Variants in KITLG observed in about 807,000 individuals in gnomAD.
KITLG encodes c-Kit ligand.
A neutral mutation model predicts 34.1 loss-of-function variants in KITLG; 13 were observed. That is an observed-to-expected ratio of 0.38 (90% CI 0.25 to 0.61). KITLG has a LOEUF of 0.61. Ranked by LOEUF, KITLG falls within the 20% of genes least tolerant of loss-of-function variation. The pLI, the probability that KITLG is intolerant of heterozygous loss-of-function variation, is 0.60. For synonymous variants in KITLG, 110 were observed against 104.0 expected (o/e 1.06, Z -0.35); for missense variants, 292 against 318.9 (o/e 0.92, Z 0.64).
chr12:88,502,958 A>G (rs1254262332), intron 9 of KITLG, among the ~76,000 whole-genome samples: 3 of 152,196 alleles, frequency 2.0e-5, no homozygotes, highest in Non-Finnish European at 2.9e-5. Flanking sequence ...AGGCAAAAAA[A>G]TGAATTTCTA....
At chr12:88,499,482 G>A (rs11104907) in intron 9 of KITLG, among the ~76,000 whole-genome samples, 11,927 of 152,092 alleles carry the variant, frequency 0.078, 512 homozygotes, top group Non-Finnish European at 0.1. Context: ...TCAACCACAC[G>A]GGGCCATTTC....
intron 1 of KITLG, among the ~76,000 whole-genome samples, chr12:88,553,702 C>T (rs948055726): frequency 1.2e-4 from 19 of 152,206 alleles, no homozygotes; most frequent in African/African-American, 3.6e-4. Flanking sequence ...CTAAATGTTG[C>T]CTTCAAATCA....
In KITLG at chr12:88,507,073, C is replaced by A. The variant is rs1446810733; in HGVS notation, c.669G>T (p.Leu223Phe). The A allele has an allele frequency of 1.2e-6, 2 of 1,613,638 alleles. No homozygotes were observed. The highest frequency in any genetic ancestry group is 1.7e-5 in the Admixed American group (1 of 59,998). The change falls in exon 7 of 10, where the codon TTG (leucine) becomes TTT (phenylalanine). Residue 223 changes from leucine to phenylalanine, a missense_variant. Physicochemically the swap from Leu to Phe is conservative, Grantham distance 22. Coordinates refer to ENST00000644744, the MANE Select transcript of KITLG (RefSeq NM_000899.5). Reference protein sequence around the residue: ...LHWAAMALPALFSLIIGFAFG... With the variant: ...LHWAAMALPAFFSLIIGFAFG... ...AAGCAAAGCCAATTATAAGAGAAAACAATGCTGGCAATGCCATGGCTGCCC... is the reference window on the plus strand; with the variant it reads ...AAGCAAAGCCAATTATAAGAGAAAAAAATGCTGGCAATGCCATGGCTGCCC...
chr12:88,503,501 T>C (rs1051984222), intron 9 of KITLG, among the ~76,000 whole-genome samples: 2 of 152,302 alleles, frequency 1.3e-5, no homozygotes, highest in South Asian at 4.1e-4. Flanking sequence ...AATATTCGCA[T>C]GCAACTGTGG....
intron 1 of KITLG, among the ~76,000 whole-genome samples, chr12:88,558,266 T>TA (rs1173154626): frequency 2.0e-5 from 3 of 152,056 alleles, no homozygotes; most frequent in Non-Finnish European, 4.4e-5. Context: ...AATAAATAAA[T>TA]AAAAATCTGA....
intron 1 of KITLG, among the ~76,000 whole-genome samples, chr12:88,551,964 G>A (rs1280482244): frequency 1.3e-5 from 2 of 152,076 alleles, no homozygotes; most frequent in East Asian, 3.9e-4. Flanking sequence ...AAGGGTCGGG[G>A]AAATGTGACC....
At chr12:88,524,612 C>T (rs1484584065) in intron 3 of KITLG, among the ~76,000 whole-genome samples, 1 of 150,988 alleles carries the variant, frequency 6.6e-6, no homozygotes, top group African/African-American at 2.4e-5. Context: ...TTTAGTGTTG[C>T]TACCAGACAA....
rs1346107712 is a variant in KITLG at position 88,494,690 on chromosome 12, CAA to C, written c.*2527_*2528del. ...AGACCTGGTTTCTACCAAAGAGGTG[CAA>C]AGCTTTCAGTATCATTGAGAATCTA... On this transcript the variant is annotated 3_prime_UTR_variant, in exon 10 of 10. Transcript: ENST00000644744. The C allele has an allele frequency of 3.3e-5, 5 of 152,262 alleles. No homozygotes were observed. The East Asian group carries it at 9.7e-4, about 29-fold the overall frequency. 9.4% of individuals were successfully genotyped at this position (152,262 alleles called of 1,614,324 possible). A position where few individuals can be genotyped will look rare whatever the true frequency, so the allele number is the denominator to read the frequency against.
chr12:88,566,137 A>ATT (rs1244645722), intron 1 of KITLG, among the ~76,000 whole-genome samples: 3 of 152,146 alleles, frequency 2.0e-5, no homozygotes, highest in Admixed American at 6.5e-5. Flanking sequence ...CTCATTTATC[A>ATT]TTTCTCTCTC....
At chr12:88,513,968 A>C (rs917631894) in intron 6 of KITLG, among the ~76,000 whole-genome samples, 14 of 151,722 alleles carry the variant, frequency 9.2e-5, no homozygotes, top group Admixed American at 1.3e-4. Flanking sequence ...AAATAGTTTC[A>C]GTACATTTCA....
chr12:88,518,289 ATGTATTCCTT>A (rs922512722), intron 4 of KITLG, among the ~76,000 whole-genome samples: 6 of 152,156 alleles, frequency 3.9e-5, no homozygotes, highest in African/African-American at 1.2e-4. Flanking sequence ...AGGAGCCAAA[ATGTATTCCTT>A]TGCTGTGACC....
intron 6 of KITLG, among the ~76,000 whole-genome samples, chr12:88,508,983 T>G (rs1869174514): frequency 6.6e-6 from 1 of 152,152 alleles, no homozygotes; most frequent in African/African-American, 2.4e-5. Context: ...ATAATACTGT[T>G]TGTAAATAAA....
At chr12:88,568,280 C>CATTCATTT (rs1555257929) in intron 1 of KITLG, among the ~76,000 whole-genome samples, 35 of 147,110 alleles carry the variant, frequency 2.4e-4, no homozygotes, top group East Asian at 2.0e-3. Context: ...CATATTATCT[C>CATTCATTT]ATTTATTTAT....
In KITLG at chr12:88,532,483, G is replaced by A. The variant is rs112332670; in HGVS notation, c.150C>T (p.Asp50=). 9.3e-6 allele frequency: 15 copies of A among 1,608,892 alleles called. No individual in the cohort carries two copies. The African/African-American group carries it at 1.2e-4, about 13-fold the overall frequency. ...VTKLVANLPK[D]YMITLKYVPG... ...GGACATATTTGAGGGTTATCATGTA[G>A]TCTTTTGGAAGATTTGCCACCTACA... Residue 50 remains aspartate, a synonymous_variant, in exon 3 of 10, where the codon GAC becomes GAT. Coordinates refer to ENST00000644744, the MANE Select transcript of KITLG (RefSeq NM_000899.5).
chr12:88,570,779 A>G (rs962531614), intron 1 of KITLG, among the ~76,000 whole-genome samples: 1 of 152,164 alleles, frequency 6.6e-6, no homozygotes, highest in African/African-American at 2.4e-5. Context: ...CCAAATAATA[A>G]TATGTATTTT....
chr12:88,533,545 A>G (rs1006068209), intron 2 of KITLG, among the ~76,000 whole-genome samples: 1 of 152,154 alleles, frequency 6.6e-6, no homozygotes, highest in Non-Finnish European at 1.5e-5. Flanking sequence ...TTATGTCACC[A>G]TTAAAATTCC....
At chr12:88,572,934 C>T (rs573000879) in intron 1 of KITLG, among the ~76,000 whole-genome samples, 5 of 152,058 alleles carry the variant, frequency 3.3e-5, no homozygotes, top group African/African-American at 9.7e-5. Flanking sequence ...GTAGGGCCCA[C>T]GGAATACAGC....
chr12:88,541,963 T>C (rs921512894), intron 2 of KITLG, among the ~76,000 whole-genome samples: 4 of 152,154 alleles, frequency 2.6e-5, no homozygotes, highest in Admixed American at 6.6e-5. Context: ...AAAGGAATGA[T>C]TTCCATTGAA....
intron 3 of KITLG, among the ~76,000 whole-genome samples, chr12:88,526,962 A>G (rs1467001478): frequency 7.1e-6 from 1 of 141,832 alleles, no homozygotes; most frequent in Non-Finnish European, 1.5e-5. Flanking sequence ...TCCACCTCCC[A>G]GGTTCACGCC....
Sources: gnomAD v4.1 joint callset for allele counts (sites outside exome capture counted in the v4.1 genomes callset) on GRCh38, gnomAD v4.1.1 for gene constraint, MANE v1.5 for transcripts, NCBI Gene and HGNC (gene_info 2026-07-23, HGNC 2026-07-21) for gene names.